The following ABL1 variants were observed in gnomAD, a reference collection of about 807,000 sequenced individuals.
ABL1 encodes ABL proto-oncogene 1, non-receptor tyrosine kinase.
Under a neutral mutation model 94.7 loss-of-function variants are expected in ABL1, and 11 were observed. The ratio of observed to expected loss-of-function variants is 0.12; its 90% CI spans 0.07 to 0.19. ABL1 has a LOEUF of 0.19. ABL1 is among the 10% of genes least tolerant of loss of function. ABL1 has a pLI of 1.00. For synonymous variants in ABL1, 656 were observed against 622.4 expected, an observed-to-expected ratio of 1.05 and a Z score of -0.80; for missense variants, 1,082 against 1,489.4, an observed-to-expected ratio of 0.73 and a Z score of 4.50.
intron 3 of ABL1, among the ~76,000 whole-genome samples, chr9:130,855,297 T>C (rs1830956284): frequency 6.6e-6 from 1 of 152,236 alleles, no homozygotes; most frequent in African/African-American, 2.4e-5. Flanking sequence ...CTGGGACTGG[T>C]ATGATTCTCT....
intron 1 of ABL1, among the ~76,000 whole-genome samples, chr9:130,749,787 T>C (rs1175110678): frequency 2.0e-5 from 3 of 152,210 alleles, no homozygotes; most frequent in Non-Finnish European, 2.9e-5. Flanking sequence ...GGGGTTATTA[T>C]TTTATGAAAT....
rs1830573067 is a variant in ABL1, at chr9:130,835,869, G to A, written c.79+344G>A. Among the ~76,000 whole-genome samples the A allele has an allele frequency of 6.6e-6, 1 of 152,210 alleles. No homozygotes were observed. Among genetic ancestry groups the A allele is most frequent in the Admixed American group, 6.5e-5 (1 of 15,290 alleles). On this transcript the variant is annotated intron_variant, in intron 1 of 10. Transcript: ENST00000318560. The surrounding 1 kb of genome is among the most constrained non-coding windows in gnomAD (Gnocchi z 4.6). ...AGCCACGCCGGATGGTGACGGCGGC[G>A]TCCGGGGCCCCACAGTGCGGGCTCC...
intron 4 of ABL1, among the ~76,000 whole-genome samples, chr9:130,869,353 G>A (rs528183543): frequency 1.3e-5 from 2 of 152,302 alleles, no homozygotes; most frequent in South Asian, 4.1e-4. Flanking sequence ...GTGAGTGCTG[G>A]CCTCATGCCA....
chr9:130,721,822 G>GTTTTTT (rs746954089), intron 1 of ABL1, among the ~76,000 whole-genome samples: 5 of 120,882 alleles, frequency 4.1e-5, no homozygotes, highest in African/African-American at 9.7e-5. Context: ...GTTTTTTTTT[G>GTTTTTT]TTTTTTTTTT....
intron 1 of ABL1, among the ~76,000 whole-genome samples, chr9:130,841,228 A>G (rs147010668): frequency 0.015 from 2,341 of 151,810 alleles, 15 homozygotes; most frequent in Non-Finnish European, 0.023. Flanking sequence ...GCTCACTGCA[A>G]GCTCCGCCTC....
intron 1 of ABL1, among the ~76,000 whole-genome samples, chr9:130,844,767 C>G (rs1830736472): frequency 6.6e-6 from 1 of 152,164 alleles, no homozygotes; most frequent in Non-Finnish European, 1.5e-5. Context: ...CGCCACCGCA[C>G]TCCAGCCTGA....
intron 1 of ABL1, among the ~76,000 whole-genome samples, chr9:130,784,892 C>T (rs1007595415): frequency 6.6e-5 from 10 of 152,172 alleles, no homozygotes; most frequent in Admixed American, 5.9e-4. Context: ...ATTCTGTAGC[C>T]ATCCGTGTTG....
chr9:130,750,196 T>TATATAC lies in ABL1; in HGVS notation c.136+35746_136+35747insCATATA, dbSNP rs1239161426. 2.8e-3 allele frequency among the ~76,000 whole-genome samples: 41 copies of TATATAC among 14,410 alleles called. No individual in the cohort carries two copies. The African/African-American group carries it at 0.034, about 12-fold the overall frequency. 9.5% of individuals were successfully genotyped at this position (14,410 alleles called of 152,430 possible). A position where few individuals can be genotyped will look rare whatever the true frequency, so the allele number is the denominator to read the frequency against. ...TGACTCAAGAAAAAAAAAATACATA[T>TATATAC]ATATATATATATATATATATATATA... On this transcript the variant is annotated intron_variant, in intron 1 of 10. Transcript: ENST00000372348.
chr9:130,834,079 A>G (rs1435329178), upstream of ABL1: 1 of 455,976 alleles, frequency 2.2e-6, no homozygotes, highest in East Asian at 6.9e-5. Flanking sequence ...AGCTGTGGGC[A>G]AGGTGTCTGA....
At chr9:130,838,081 C>G (rs1433888759) in intron 1 of ABL1, among the ~76,000 whole-genome samples, 1 of 152,200 alleles carries the variant, frequency 6.6e-6, no homozygotes, top group Non-Finnish European at 1.5e-5. Flanking sequence ...TTTTATTACT[C>G]TATGTGATCT....
intron 1 of ABL1, among the ~76,000 whole-genome samples, chr9:130,802,193 AG>A (rs1291368060): frequency 6.7e-6 from 1 of 149,834 alleles, no homozygotes; most frequent in Non-Finnish European, 1.5e-5. Context: ...CCTGGGTTTA[AG>A]CCATCCTCCT....
Position 130,823,247 on chromosome 9 carries a change from C to T in ABL1, c.137-30817C>T, listed in dbSNP as rs565748191. Among the ~76,000 whole-genome samples, 4 of 152,210 alleles carry T rather than the reference C, an allele frequency of 2.6e-5. No homozygotes were observed. In the South Asian group the frequency reaches 8.3e-4, roughly 32 times the overall value. ...TTTTTAGGAGCTGGACACTGGGCTG[C>T]ATGTTTCACGGGGATGATTTGGGTC... On this transcript the variant is annotated intron_variant, in intron 1 of 10. Coordinates refer to the ABL1 transcript ENST00000372348.
Position 130,884,531 on chromosome 9 carries a change from T to A in ABL1, c.2241T>A (p.Phe747Leu), listed in dbSNP as rs144838952. The A allele has an allele frequency of 7.4e-6, 12 of 1,613,034 alleles. No individual in the cohort carries two copies. The African/African-American group carries it at 1.5e-4, about 20-fold the overall frequency. The change falls in exon 11 of 11, where the codon TTT (phenylalanine) becomes TTA (leucine). Residue 747 changes from phenylalanine to leucine, a missense_variant. Phe to Leu is a conservative substitution (Grantham distance 22, BLOSUM62 0). This residue lies in a region of ABL1 where 780 missense variants were observed against 835.8 expected (regional missense o/e 0.93). Transcript: ENST00000318560. This position sits in a 1 kb window ranked among gnomAD's most constrained non-coding sequence, Gnocchi z 5.6. ...PRDLQSTGRQ[F>L]DSSTFGGHKS... ...ACTTGCAGTCCACGGGAAGACAGTT[T>A]GACTCGTCCACATTTGGAGGGCACA...
At chr9:130,737,338 G>A (rs1267788278) in intron 1 of ABL1, among the ~76,000 whole-genome samples, 1 of 152,118 alleles carries the variant, frequency 6.6e-6, no homozygotes, top group Non-Finnish European at 1.5e-5. Flanking sequence ...CGTCATCTCA[G>A]CTCACTGTAA....
At chr9:130,772,064 G>A (rs1033987753) in intron 1 of ABL1, among the ~76,000 whole-genome samples, 1 of 151,998 alleles carries the variant, frequency 6.6e-6, no homozygotes, top group African/African-American at 2.4e-5. Context: ...AAAAGTTGGT[G>A]TTTTTAAAAA....
chr9:130,816,012 C>T (rs1205538465), intron 1 of ABL1, among the ~76,000 whole-genome samples: 1 of 152,206 alleles, frequency 6.6e-6, no homozygotes, highest in African/African-American at 2.4e-5. Context: ...GAGTGAGACT[C>T]TGTCTCAAAA....
Position 130,835,921 on chromosome 9 carries a change from C to T in ABL1, c.79+396C>T, listed in dbSNP as rs1177089846. 6.6e-6 allele frequency among the ~76,000 whole-genome samples: 1 copy of T among 152,238 alleles called. No homozygotes were observed. Among genetic ancestry groups the T allele is most frequent in the African/African-American group, 2.4e-5 (1 of 41,468 alleles). On this transcript the variant is annotated intron_variant, in intron 1 of 10. Coordinates refer to ENST00000318560, the MANE Select transcript of ABL1 (RefSeq NM_005157.6). This position sits in a 1 kb window ranked among gnomAD's most constrained non-coding sequence, Gnocchi z 4.6. ...CCGAAAAAGTTTGAGAAAGCCAACTCGCCAGGCCTTAACATCCCTGGGATC... is the reference window on the plus strand; with the variant it reads ...CCGAAAAAGTTTGAGAAAGCCAACTTGCCAGGCCTTAACATCCCTGGGATC...
At chr9:130,768,163 T>C (rs778974289) in intron 1 of ABL1, among the ~76,000 whole-genome samples, 32 of 152,308 alleles carry the variant, frequency 2.1e-4, no homozygotes, top group Non-Finnish European at 3.4e-4. Context: ...CTCCTATGTG[T>C]ACAACTTCCT....
chr9:130,750,231 A>ATC (rs1317562552), intron 1 of ABL1, among the ~76,000 whole-genome samples: 2 of 133,648 alleles, frequency 1.5e-5, no homozygotes, highest in Non-Finnish European at 3.2e-5. Context: ...ATATATATAT[A>ATC]TATATCCAAG....
Sources: gnomAD v4.1 joint callset for allele counts (sites outside exome capture counted in the v4.1 genomes callset) on GRCh38, gnomAD v4.1.1 for gene constraint, gnomAD v4.1.1 regional missense constraint, Gnocchi (gnomAD v3.1) non-coding constraint, MANE v1.5 for transcripts, NCBI Gene and HGNC (gene_info 2026-07-23, HGNC 2026-07-21) for gene names.